SLC25A24: variants seen among roughly 807,000 people sequenced by gnomAD.
SLC25A24 encodes solute carrier family 25 member 24.
In SLC25A24, 49 loss-of-function variants were observed where a neutral mutation model predicts 60.7. That is an observed-to-expected ratio of 0.81 (90% CI 0.64 to 1.02). The LOEUF (loss-of-function observed/expected upper bound fraction) is 1.02. SLC25A24 is among the 50% of genes least tolerant of loss of function. The probability of loss-of-function intolerance (pLI) is 0.00; values close to 1 mark genes in which losing one functional copy is unlikely to be tolerated. For missense variants in SLC25A24, 564 were observed against 586.3 expected, an observed-to-expected ratio of 0.96 and a Z score of 0.39; for synonymous variants, 202 against 200.6, an observed-to-expected ratio of 1.01 and a Z score of -0.06.
chr1:108,189,894 G>A (rs980228385), intron 1 of SLC25A24, among the ~76,000 whole-genome samples: 4 of 148,470 alleles, frequency 2.7e-5, no homozygotes, highest in African/African-American at 1.0e-4. Context: ...TGTATATATA[G>A]AGAGAGTATA....
At chr1:108,151,448 G>T (rs1679754059) in intron 6 of SLC25A24, among the ~76,000 whole-genome samples, 1 of 151,968 alleles carries the variant, frequency 6.6e-6, no homozygotes, top group Admixed American at 6.6e-5. Flanking sequence ...CCTATCTCTG[G>T]GTTGAGAAAT....
intron 3 of SLC25A24, among the ~76,000 whole-genome samples, chr1:108,175,648 C>T (rs1416075235): frequency 6.6e-6 from 1 of 151,974 alleles, no homozygotes; most frequent in East Asian, 1.9e-4. Context: ...CATGATTGTG[C>T]CATTGCACTC....
chr1:108,159,961 G>A (rs927506207), intron 4 of SLC25A24, among the ~76,000 whole-genome samples: 7 of 151,988 alleles, frequency 4.6e-5, no homozygotes, highest in Non-Finnish European at 7.4e-5. Context: ...ATCATGGCCC[G>A]TTCTCAATGA....
intron 1 of SLC25A24, among the ~76,000 whole-genome samples, chr1:108,186,888 A>G (rs978201393): frequency 2.0e-5 from 3 of 152,000 alleles, no homozygotes; most frequent in African/African-American, 7.2e-5. Flanking sequence ...GACCAACCTG[A>G]CCAACATGGA....
At chr1:108,171,573 T>C (rs1351591751) in intron 3 of SLC25A24, among the ~76,000 whole-genome samples, 1 of 152,162 alleles carries the variant, frequency 6.6e-6, no homozygotes, top group Non-Finnish European at 1.5e-5. Flanking sequence ...ACTCACCCTT[T>C]TCAGTAGCAT....
intron 1 of SLC25A24, among the ~76,000 whole-genome samples, chr1:108,189,236 T>A (rs1332542384): frequency 6.6e-6 from 1 of 152,118 alleles, no homozygotes; most frequent in Admixed American, 6.5e-5. Flanking sequence ...GCCTAATGAG[T>A]CTGACTTAAC....
chr1:108,162,402 T>C (rs1049601007), intron 3 of SLC25A24, among the ~76,000 whole-genome samples: 1 of 150,346 alleles, frequency 6.7e-6, no homozygotes, highest in African/African-American at 2.5e-5. Context: ...TAGTTTACAG[T>C]CCCACCAACA....
chr1:108,193,032 TTTGGAGAGAAGTAGG>T (rs1648395160), intron 1 of SLC25A24, among the ~76,000 whole-genome samples: 1 of 139,452 alleles, frequency 7.2e-6, no homozygotes, highest in Non-Finnish European at 1.6e-5. Context: ...TAGCTTCTCT[TTTGGAGAGAAGTAGG>T]TTGGGAATGT....
chr1:108,158,545 T>C (rs1211865113), intron 4 of SLC25A24, among the ~76,000 whole-genome samples: 2 of 152,156 alleles, frequency 1.3e-5, no homozygotes, highest in East Asian at 3.8e-4. Context: ...AGTATAATAT[T>C]ATCTTATACT....
chr1:108,153,857 A>G (rs1339890682), intron 6 of SLC25A24, among the ~76,000 whole-genome samples: 2 of 152,158 alleles, frequency 1.3e-5, no homozygotes, highest in African/African-American at 4.8e-5. Flanking sequence ...AAAATACCAA[A>G]CTTCTTGCAT....
intron 9 of SLC25A24, among the ~76,000 whole-genome samples, chr1:108,138,172 C>T (rs1476026059): frequency 1.3e-5 from 2 of 152,210 alleles, no homozygotes; most frequent in African/African-American, 2.4e-5. Flanking sequence ...CTGGACATAA[C>T]GTCTTCTCTA....
At chr1:108,164,101 T>C (rs936433695) in intron 3 of SLC25A24, among the ~76,000 whole-genome samples, 443 of 152,272 alleles carry the variant, frequency 2.9e-3, no homozygotes, top group African/African-American at 0.01. Flanking sequence ...CATTTACTGA[T>C]TTGCGTATAT....
At position 108,192,514 on chromosome 1, in the gene SLC25A24, T is replaced by C. The variant is rs371986319; in HGVS notation, c.184-6560A>G. The C allele has an allele frequency of 9.2e-5, 138 of 1,495,850 alleles. 27 individuals carry two copies. Among genetic ancestry groups the C allele is most frequent in the Non-Finnish European group, 1.0e-4 (112 of 1,111,886 alleles). 92.7% of individuals were successfully genotyped at this position (1,495,850 alleles called of 1,614,324 possible). A position where few individuals can be genotyped will look rare whatever the true frequency, so the allele number is the denominator to read the frequency against. ...GACCCACCTTCGCTTCCTCTAGAGATTGAATGGCCCCTACATCCTCCAGGC... is the reference window on the plus strand; with the variant it reads ...GACCCACCTTCGCTTCCTCTAGAGACTGAATGGCCCCTACATCCTCCAGGC... On this transcript the variant is annotated intron_variant, in intron 1 of 9. Transcript: ENST00000565488.
At position 108,134,579 on chromosome 1, in the gene SLC25A24, A is replaced by T. The variant is rs988497118; in HGVS notation, c.*2074T>A. 6.6e-6 allele frequency: 1 copy of T among 152,182 alleles called. No homozygotes were observed. Among genetic ancestry groups the T allele is most frequent in the African/African-American group, 2.4e-5 (1 of 41,444 alleles). 9.4% of individuals were successfully genotyped at this position (152,182 alleles called of 1,614,324 possible). ...GTGGAATTTTGATATCACAAAAAAT[A>T]TCACCTTGTGTCAAAATGCATCATA... is the stretch of plus-strand genomic sequence containing the variant. On this transcript the variant is annotated 3_prime_UTR_variant, in exon 10 of 10. Coordinates refer to ENST00000565488, the MANE Select transcript of SLC25A24 (RefSeq NM_013386.5).
intron 6 of SLC25A24, among the ~76,000 whole-genome samples, chr1:108,152,418 T>C (rs1219534201): frequency 3.3e-5 from 5 of 152,094 alleles, no homozygotes; most frequent in Non-Finnish European, 5.9e-5. Context: ...CCAGGCTAGA[T>C]TGCAATGGTG....
chr1:108,196,081 G>A (rs1289237788), intron 1 of SLC25A24, among the ~76,000 whole-genome samples: 2 of 151,508 alleles, frequency 1.3e-5, no homozygotes, highest in African/African-American at 4.8e-5. Context: ...ACTTAATGGA[G>A]TGAAATCCTG....
intron 1 of SLC25A24, among the ~76,000 whole-genome samples, chr1:108,188,756 T>C (rs1051101566): frequency 6.6e-6 from 1 of 152,036 alleles, no homozygotes; most frequent in Non-Finnish European, 1.5e-5. Context: ...TTAGAAAAGG[T>C]TTGGGGGCGG....
At chr1:108,167,337 CTGCT>C (rs1680287394) in intron 3 of SLC25A24, among the ~76,000 whole-genome samples, 1 of 152,082 alleles carries the variant, frequency 6.6e-6, no homozygotes, top group South Asian at 2.1e-4. Flanking sequence ...AGCTTCCCGG[CTGCT>C]TTGTTTACCT....
intron 3 of SLC25A24, among the ~76,000 whole-genome samples, chr1:108,181,685 T>G (rs1352040718): frequency 6.6e-6 from 1 of 152,088 alleles, no homozygotes; most frequent in East Asian, 1.9e-4. Context: ...ATCTATGGAG[T>G]TAAAACCTTA....
Sources: allele counts gnomAD v4.1 joint callset (sites outside exome capture counted in the v4.1 genomes callset), GRCh38; gene constraint gnomAD v4.1.1; transcripts MANE v1.5; gene names NCBI Gene and HGNC (gene_info 2026-07-23, HGNC 2026-07-21).